The following BSN variants were observed in gnomAD, a reference collection of about 807,000 sequenced individuals.
BSN encodes bassoon presynaptic cytomatrix protein, also known as protein bassoon.
In BSN, 57 loss-of-function variants were observed where a neutral mutation model predicts 264.8. The observed-to-expected ratio is 0.22, with a 90% CI of 0.17 to 0.27. The LOEUF (loss-of-function observed/expected upper bound fraction) is 0.27, where lower values mean the gene tolerates loss of function less well. Ranked by LOEUF, BSN falls within the 10% of genes least tolerant of loss-of-function variation. BSN has a pLI of 1.00. For missense variants in BSN, 4,615 were observed against 5,232.5 expected (o/e 0.88, Z 3.64); for synonymous variants, 2,059 against 2,137.3 (o/e 0.96, Z 1.01).
intron 1 of BSN, among the ~76,000 whole-genome samples, chr3:49,589,017 C>T (rs1366024310): frequency 1.3e-5 from 2 of 151,454 alleles, no homozygotes; most frequent in Non-Finnish European, 2.9e-5. Context: ...CGCGTTTACG[C>T]CATTCTCCTG....
chr3:49,667,446 T>C (rs1251702886), intron 11 of BSN, 144 bp from the exon 12 acceptor site: 1 of 152,612 alleles, frequency 6.6e-6, no homozygotes, highest in Non-Finnish European at 1.5e-5. Flanking sequence ...CTGAGTGGCA[T>C]GGCACCCCGT....
intron 1 of BSN, among the ~76,000 whole-genome samples, chr3:49,586,938 G>T (rs562923391): frequency 6.6e-6 from 1 of 152,010 alleles, no homozygotes; most frequent in South Asian, 2.1e-4. Context: ...TTTTTATTCT[G>T]TGAAGAATGT....
Position 49,638,115 on chromosome 3 carries a change from C to T in BSN, c.634-4153C>T, listed in dbSNP as rs935755224. 7.9e-5 allele frequency among the ~76,000 whole-genome samples: 12 copies of T among 152,202 alleles called. No individual in the cohort carries two copies. Among genetic ancestry groups the T allele is most frequent in the Admixed American group, 2.6e-4 (4 of 15,286 alleles). ...ACCCTAGCTGAGGCTTCTTGTCACA[C>T]TGGTAAAAGGATAGTCCCTCTGATT... On this transcript the variant is annotated intron_variant, in intron 2 of 11. Coordinates refer to ENST00000296452, the MANE Select transcript of BSN (RefSeq NM_003458.4). The surrounding 1 kb of genome is among the most constrained non-coding windows in gnomAD (Gnocchi z 4.3).
intron 3 of BSN, among the ~76,000 whole-genome samples, chr3:49,648,724 A>C (rs1203888313): frequency 6.6e-6 from 1 of 152,230 alleles, no homozygotes; most frequent in East Asian, 1.9e-4. Context: ...GCCAGCACTT[A>C]CTGCCTTGTG....
At position 49,643,075 on chromosome 3, in the gene BSN, A is replaced by G. The variant is rs367985996; in HGVS notation, c.1441A>G (p.Asn481Asp). The G allele has an allele frequency of 3.7e-6, 6 of 1,613,952 alleles. No individual in the cohort carries two copies. Among genetic ancestry groups the G allele is most frequent in the Non-Finnish European group, 5.1e-6 (6 of 1,180,016 alleles). Residue 481 changes from asparagine (N) to aspartate (D), a missense_variant, in exon 3 of 12, where the codon AAC becomes GAC. Asn to Asp is a conservative substitution (Grantham distance 23). This residue lies in a region of BSN where 1,197 missense variants were observed against 1,348.0 expected (regional missense o/e 0.89). Coordinates refer to ENST00000296452, the MANE Select transcript of BSN (RefSeq NM_003458.4). ...CAACGTGGGCAGCAAGAGCCCAGCC[A>G]ACTATAACACATGCACCACCTGCAG... ...ELNVGSKSPA[N>D]YNTCTTCRLQ...
At chr3:49,556,992 C>T (rs1358475861) in intron 1 of BSN, among the ~76,000 whole-genome samples, 1 of 152,206 alleles carries the variant, frequency 6.6e-6, no homozygotes, top group Non-Finnish European at 1.5e-5. Flanking sequence ...ATTACCTTGT[C>T]ATCCCAGGCT....
chr3:49,613,373 A>G (rs1298580949), intron 1 of BSN, among the ~76,000 whole-genome samples: 1 of 145,842 alleles, frequency 6.9e-6, no homozygotes, highest in Non-Finnish European at 1.5e-5. Flanking sequence ...AGCTCTCCAC[A>G]GTAATAATCA....
At chr3:49,672,548 T>C (rs1384071921), downstream of BSN, among the ~76,000 whole-genome samples, 1 of 151,428 alleles carries the variant, frequency 6.6e-6, no homozygotes, top group African/African-American at 2.4e-5. Flanking sequence ...TGGCATGATC[T>C]CGGCTCACTG....
chr3:49,591,659 A>G (rs1027349383), intron 1 of BSN, among the ~76,000 whole-genome samples: 1 of 151,898 alleles, frequency 6.6e-6, no homozygotes, highest in African/African-American at 2.4e-5. Context: ...GTGCAGTGGC[A>G]TGATCTCAGC....
At position 49,661,442 on chromosome 3, in the gene BSN, G is replaced by A; in HGVS notation, c.9597G>A (p.Arg3199=). The change falls in exon 6 of 12, where the codon CGG becomes CGA. Residue 3199 remains arginine, a synonymous_variant. Transcript: ENST00000296452. ...YEQGKVPEVP[R]AGDRGSVSQS... ...AGGGCAAGGTCCCTGAGGTGCCCCG[G>A]GCTGGTGACCGTGGCAGTGTGAGCC... 1 of 1,613,652 alleles carries A rather than the reference G, an allele frequency of 6.2e-7. No homozygotes were observed. Among genetic ancestry groups the A allele is most frequent in the Non-Finnish European group, 8.5e-7 (1 of 1,179,976 alleles).
In BSN at chr3:49,661,172, G is replaced by A. The variant is rs1432309239; in HGVS notation, c.9327G>A (p.Gln3109=). 6.2e-7 allele frequency: 1 copy of A among 1,613,440 alleles called. No homozygotes were observed. The highest frequency in any genetic ancestry group is 1.3e-5 in the African/African-American group (1 of 74,956). Residue 3109 remains glutamine, a synonymous_variant, in exon 6 of 12, where the codon CAG becomes CAA. Coordinates refer to ENST00000296452, the MANE Select transcript of BSN (RefSeq NM_003458.4). ...CAGCTGAGCCTGGCCTGCCAAACCAGCAGGCTTTCCGCCCCACAGGCCACT... is the reference window on the plus strand; with the variant it reads ...CAGCTGAGCCTGGCCTGCCAAACCAACAGGCTTTCCGCCCCACAGGCCACT... ...SYPAEPGLPN[Q]QAFRPTGHYA...
At chr3:49,587,034 C>A (rs2051942558) in intron 1 of BSN, among the ~76,000 whole-genome samples, 1 of 152,036 alleles carries the variant, frequency 6.6e-6, no homozygotes, top group African/African-American at 2.4e-5. Context: ...TCTTCCAATC[C>A]ATGAATATGG....
chr3:49,642,385 C>T lies in BSN; in HGVS notation c.751C>T (p.His251Tyr), dbSNP rs755377052. ...GCACTCCCCAGCCCTGTCTCCTGCC[C>T]ACTCCCCGGCCAAACAGCCCCTGGG... is the stretch of plus-strand genomic sequence containing the variant. ...QLHSPALSPA[H>Y]SPAKQPLGKP... The change falls in exon 3 of 12, where the codon CAC becomes TAC. Residue 251 changes from histidine (H) to tyrosine (Y), a missense_variant. Physicochemically the swap from His to Tyr is moderately conservative, Grantham distance 83. Transcript: ENST00000296452. This position sits in a 1 kb window ranked among gnomAD's most constrained non-coding sequence, Gnocchi z 7.0. The T allele has an allele frequency of 6.2e-7, 1 of 1,600,124 alleles. No individual in the cohort carries two copies. Among genetic ancestry groups the T allele is most frequent in the Non-Finnish European group, 8.5e-7 (1 of 1,173,376 alleles).
intron 1 of BSN, among the ~76,000 whole-genome samples, chr3:49,571,234 C>T (rs2051792819): frequency 6.6e-6 from 1 of 151,938 alleles, no homozygotes; most frequent in African/African-American, 2.4e-5. Flanking sequence ...ATACTAATTC[C>T]AGAGAGGTAG....
Position 49,662,326 on chromosome 3 carries a change from G to A in BSN, c.10481G>A (p.Arg3494Gln), listed in dbSNP as rs749257958. 1.1e-5 allele frequency: 17 copies of A among 1,613,600 alleles called. No homozygotes were observed. Among genetic ancestry groups the A allele is most frequent in the South Asian group, 4.4e-5 (4 of 91,082 alleles). ...SSLSMAHSRVRPPMRSQASEE... is the reference protein window; with the variant it reads ...SSLSMAHSRVQPPMRSQASEE... ...CTAAGTATGGCCCACAGCCGGGTAC[G>A]ACCCCCCATGCGGAGCCAGGCCTCT... Residue 3494 changes from arginine (R) to glutamine (Q), a missense_variant, in exon 6 of 12, where the codon CGA becomes CAA. This residue lies in a region of BSN where 3,415 missense variants were observed against 3,866.4 expected (regional missense o/e 0.88). Transcript: ENST00000296452.
intron 1 of BSN, among the ~76,000 whole-genome samples, chr3:49,614,498 C>A (rs558157800): frequency 3.3e-5 from 5 of 152,132 alleles, no homozygotes; most frequent in Admixed American, 3.3e-4. Flanking sequence ...CAAAGGTAAA[C>A]GCCACATGAA....
At chr3:49,583,153 G>A (rs978059016) in intron 1 of BSN, among the ~76,000 whole-genome samples, 1 of 151,972 alleles carries the variant, frequency 6.6e-6, no homozygotes, top group South Asian at 2.1e-4. Context: ...ATTTTTAGTA[G>A]AGATGGGGTT....
At chr3:49,562,384 A>G (rs933699271) in intron 1 of BSN, among the ~76,000 whole-genome samples, 2 of 152,232 alleles carry the variant, frequency 1.3e-5, no homozygotes, top group Non-Finnish European at 2.9e-5. Flanking sequence ...AAAGGGGCCC[A>G]TGGTGTGGGG....
chr3:49,614,525 A>T (rs921148054), intron 1 of BSN, among the ~76,000 whole-genome samples: 3 of 152,170 alleles, frequency 2.0e-5, no homozygotes, highest in Admixed American at 6.5e-5. Flanking sequence ...CTGTATACCT[A>T]CTGGTCTCTT....
Sources: gnomAD v4.1 joint callset for allele counts (sites outside exome capture counted in the v4.1 genomes callset) on GRCh38, gnomAD v4.1.1 for gene constraint, gnomAD v4.1.1 regional missense constraint, Gnocchi (gnomAD v3.1) non-coding constraint, MANE v1.5 for transcripts, NCBI Gene and HGNC (gene_info 2026-07-23, HGNC 2026-07-21) for gene names.